ITPK1: variants seen among roughly 807,000 people sequenced by gnomAD.
ITPK1 encodes inositol 1,3,4-trisphosphate 5/6-kinase.
In ITPK1, 21 loss-of-function variants were observed where a neutral mutation model predicts 45.3. That is an observed-to-expected ratio of 0.46 (90% CI 0.33 to 0.67). ITPK1 has a LOEUF of 0.67. Among genes scored for constraint, ITPK1 ranks in the 30% least tolerant of loss-of-function variants. The pLI is 0.02. For synonymous variants in ITPK1, 258 were observed against 253.6 expected (o/e 1.02, Z -0.16); for missense variants, 474 against 573.5 (o/e 0.83, Z 1.77).
chr14:93,059,823 GGTGGAGGGGGTGAGGGTCCCGAAGCAGGA>G, intron 3 of ITPK1, among the ~76,000 whole-genome samples: 1 of 127,480 alleles, frequency 7.8e-6, no homozygotes. Context: ...CCGAGGCAGG[GGTGGAGGGGGTGAGGGTCCCGAAGCAGGA>G]GTGGAGGGGG....
intron 9 of ITPK1, among the ~76,000 whole-genome samples, chr14:92,948,754 C>G (rs1477590425): frequency 6.6e-6 from 1 of 150,920 alleles, no homozygotes; most frequent in Admixed American, 6.6e-5. Flanking sequence ...CCACTGGGAA[C>G]TTCCAGGGAG....
At chr14:93,065,773 C>T (rs191224459) in intron 3 of ITPK1, among the ~76,000 whole-genome samples, 120 of 152,268 alleles carry the variant, frequency 7.9e-4, no homozygotes, top group Non-Finnish European at 1.2e-3. Flanking sequence ...AACAGCAAAC[C>T]AGAAATAACC....
chr14:92,991,969 A>G (rs533445122), intron 5 of ITPK1, among the ~76,000 whole-genome samples: 1 of 152,266 alleles, frequency 6.6e-6, no homozygotes, highest in South Asian at 2.1e-4. Context: ...TGGCTGAACC[A>G]GGTATCACCC....
At chr14:93,011,522 G>A (rs540830112) in intron 4 of ITPK1, among the ~76,000 whole-genome samples, 6 of 152,326 alleles carry the variant, frequency 3.9e-5, no homozygotes, top group Admixed American at 1.3e-4. Flanking sequence ...GGCATCCTTC[G>A]GGGCAGGAGC....
intron 4 of ITPK1, 76 bp from the exon 5 acceptor site, chr14:92,994,073 C>A (rs572460751): frequency 2.3e-6 from 2 of 886,662 alleles, no homozygotes; most frequent in Admixed American, 1.7e-5. Context: ...GCCCTCTGCA[C>A]GTCCATCCGT....
intron 2 of ITPK1, among the ~76,000 whole-genome samples, chr14:93,111,966 T>TA (rs1892773399): frequency 6.6e-6 from 1 of 152,076 alleles, no homozygotes; most frequent in Non-Finnish European, 1.5e-5. Flanking sequence ...CGCCTGTCCC[T>TA]ACCTACGGCA....
chr14:92,963,918 G>A (rs1414064353), intron 5 of ITPK1, among the ~76,000 whole-genome samples: 1 of 152,176 alleles, frequency 6.6e-6, no homozygotes, highest in Non-Finnish European at 1.5e-5. Context: ...CGGGGCGGGG[G>A]CGGTCTGCCA....
At chr14:93,041,389 G>A (rs1196816651) in intron 3 of ITPK1, among the ~76,000 whole-genome samples, 2 of 152,214 alleles carry the variant, frequency 1.3e-5, no homozygotes, top group African/African-American at 2.4e-5. Flanking sequence ...CTCTCAGTAT[G>A]AGTTACTCTG....
At chr14:92,962,167 A>G (rs1451959199) in intron 7 of ITPK1, among the ~76,000 whole-genome samples, 188 bp downstream of exon 7, 1 of 152,220 alleles carries the variant, frequency 6.6e-6, no homozygotes, top group Non-Finnish European at 1.5e-5. Flanking sequence ...CAGACAGTGC[A>G]TGAAGCCACA....
intron 5 of ITPK1, among the ~76,000 whole-genome samples, chr14:92,987,827 A>T (rs1468935711): frequency 3.9e-5 from 6 of 152,158 alleles, no homozygotes; most frequent in Admixed American, 3.9e-4. Flanking sequence ...TCCTCACCCC[A>T]TGACTCCCGG....
At chr14:93,112,736 C>T (rs370548881) in intron 2 of ITPK1, among the ~76,000 whole-genome samples, 3 of 152,024 alleles carry the variant, frequency 2.0e-5, no homozygotes, top group South Asian at 4.2e-4. Context: ...CGGCACCCGG[C>T]CCAAAGCAGG....
chr14:92,969,110 G>C (rs1239944084), intron 5 of ITPK1, among the ~76,000 whole-genome samples: 1 of 152,116 alleles, frequency 6.6e-6, no homozygotes, highest in Non-Finnish European at 1.5e-5. Context: ...AAGAAACGTA[G>C]AGTACTACTG....
intron 5 of ITPK1, among the ~76,000 whole-genome samples, chr14:92,963,139 C>T (rs1466836969): frequency 6.6e-6 from 1 of 152,210 alleles, no homozygotes; most frequent in Non-Finnish European, 1.5e-5. Flanking sequence ...GACATTACAA[C>T]TACTACCCCA....
intron 4 of ITPK1, among the ~76,000 whole-genome samples, chr14:93,004,373 C>T (rs1230833481): frequency 2.0e-5 from 3 of 152,232 alleles, no homozygotes; most frequent in Non-Finnish European, 1.5e-5. Flanking sequence ...TCTAAAACGG[C>T]TCCTTGGGAG....
In ITPK1 at chr14:92,958,489, G is replaced by C; in HGVS notation, c.505-123C>G. 1.1e-6 allele frequency: 1 copy of C among 899,070 alleles called. No individual in the cohort carries two copies. Among genetic ancestry groups the C allele is most frequent in the Non-Finnish European group, 1.7e-6 (1 of 577,368 alleles). The allele number at this position is 899,070 out of a possible 1,614,324, so 55.7% of individuals were successfully genotyped here. A position where few individuals can be genotyped will look rare whatever the true frequency, so the allele number is the denominator to read the frequency against. Reference sequence around the variant, plus strand: ...CCCATCCCTGGTCCTGTGGCATGAGGACTCCCCTAGAGGAGCCTTGAGCCA... The same window carrying C: ...CCCATCCCTGGTCCTGTGGCATGAGCACTCCCCTAGAGGAGCCTTGAGCCA... On this transcript the variant is annotated intron_variant, in intron 7 of 10. Coordinates refer to ENST00000267615, the MANE Select transcript of ITPK1 (RefSeq NM_014216.6). The surrounding 1 kb of genome is among the most constrained non-coding windows in gnomAD (Gnocchi z 4.4).
chr14:92,963,097 T>A (rs1010701298), intron 5 of ITPK1, among the ~76,000 whole-genome samples: 22 of 152,078 alleles, frequency 1.4e-4, no homozygotes, highest in Non-Finnish European at 7.4e-5. Context: ...ATCCGAAGAG[T>A]ACAGAAAAGT....
At chr14:93,091,321 G>C (rs935273466) in intron 2 of ITPK1, among the ~76,000 whole-genome samples, 1 of 152,134 alleles carries the variant, frequency 6.6e-6, no homozygotes, top group African/African-American at 2.4e-5. Flanking sequence ...CAACAACGGC[G>C]CCAGGGCCAG....
intron 10 of ITPK1, among the ~76,000 whole-genome samples, chr14:92,945,721 G>A (rs376115608): frequency 1.2e-4 from 18 of 152,192 alleles, no homozygotes; most frequent in South Asian, 2.1e-4. Flanking sequence ...CTGCTCCTGC[G>A]GTCCCCATAG....
intron 3 of ITPK1, among the ~76,000 whole-genome samples, chr14:93,019,328 G>A (rs546075096): frequency 4.3e-4 from 65 of 152,338 alleles, no homozygotes; most frequent in African/African-American, 1.6e-3. Context: ...CAGAGGGGAC[G>A]CCCTTGGTGT....
Sources: allele counts gnomAD v4.1 joint callset (sites outside exome capture counted in the v4.1 genomes callset), GRCh38; gene constraint gnomAD v4.1.1; non-coding constraint Gnocchi (gnomAD v3.1); transcripts MANE v1.5; gene names NCBI Gene and HGNC (gene_info 2026-07-23, HGNC 2026-07-21).